The following PFKM variants were observed in gnomAD, a reference collection of about 807,000 sequenced individuals.
The protein encoded by PFKM is ATP-dependent 6-phosphofructokinase, muscle type.
PFKM carries 58 observed loss-of-function variants against 95.5 expected under a neutral mutation model. The ratio of observed to expected loss-of-function variants is 0.61; its 90% confidence interval spans 0.49 to 0.76. PFKM has a LOEUF of 0.76. Among genes scored for constraint, PFKM ranks in the 30% least tolerant of loss-of-function variants. The probability of loss-of-function intolerance (pLI) is 0.00; values close to 1 mark genes in which losing one functional copy is unlikely to be tolerated. For missense variants in PFKM, 678 were observed against 1,005.4 expected, an observed-to-expected ratio of 0.67 and a Z score of 4.40; for synonymous variants, 336 against 357.2, an observed-to-expected ratio of 0.94 and a Z score of 0.67.
At chr12:48,130,048 A>T (rs983571107) in intron 2 of PFKM, among the ~76,000 whole-genome samples, 2 of 152,192 alleles carry the variant, frequency 1.3e-5, no homozygotes, top group Admixed American at 6.5e-5. Context: ...CACAATACAC[A>T]TTCAAGAAAA....
intron 2 of PFKM, among the ~76,000 whole-genome samples, chr12:48,123,347 CCCTTT>C (rs1948484241): frequency 6.6e-6 from 1 of 152,082 alleles, no homozygotes; most frequent in Non-Finnish European, 1.5e-5. Context: ...TCCTCCTCTT[CCCTTT>C]CATCACCCCT....
upstream of PFKM, among the ~76,000 whole-genome samples, chr12:48,118,742 G>A (rs1023325589): frequency 6.6e-6 from 1 of 152,010 alleles, no homozygotes; most frequent in Admixed American, 6.5e-5. Context: ...TCACAGACAC[G>A]CCCTTCCCTC....
chr12:48,106,132 C>T (rs1484124352), exon 1 of PFKM: 2 of 702,384 alleles, frequency 2.8e-6, no homozygotes, highest in Admixed American at 4.0e-5. Context: ...CCGGAAGAGT[C>T]GCTAGGTGGC....
intron 7 of PFKM, among the ~76,000 whole-genome samples, 170 bp downstream of exon 7, chr12:48,134,446 T>C (rs1460266293): frequency 6.6e-6 from 1 of 152,212 alleles, no homozygotes; most frequent in African/African-American, 2.4e-5. Context: ...TCCCCACACA[T>C]GCATGTGTGT....
intron 1 of PFKM, chr12:48,106,365 G>T: frequency 2.1e-6 from 1 of 478,110 alleles, no homozygotes; most frequent in Non-Finnish European, 3.7e-6. Flanking sequence ...TCCCTTACCC[G>T]CCGCCTTCTG....
At chr12:48,122,885 G>C in intron 2 of PFKM, 26 bp downstream of exon 2, 3 of 1,607,160 alleles carry the variant, frequency 1.9e-6, no homozygotes, top group Non-Finnish European at 2.6e-6. Context: ...CAAAAAACAT[G>C]GCTGGTGGGA....
intron 3 of PFKM, among the ~76,000 whole-genome samples, chr12:48,108,551 A>C (rs1334527779): frequency 1.3e-5 from 2 of 152,224 alleles, no homozygotes; most frequent in Non-Finnish European, 2.9e-5. Context: ...ATATATAAAT[A>C]TGTGAAACTT....
intron 1 of PFKM, chr12:48,106,179 A>G (rs1428978378): frequency 2.3e-5 from 16 of 697,912 alleles, no homozygotes; most frequent in South Asian, 8.9e-5. Context: ...GTCAAAGAAC[A>G]GAGTTAAGGA....
At chr12:48,142,339 G>T in intron 17 of PFKM, 1 of 470,342 alleles carries the variant, frequency 2.1e-6, no homozygotes, top group Non-Finnish European at 3.9e-6. Flanking sequence ...TGGGTGTGGT[G>T]GTAGGCGCCT....
At chr12:48,108,313 G>A in intron 3 of PFKM, 1 of 859,758 alleles carries the variant, frequency 1.2e-6, no homozygotes, top group Non-Finnish European at 1.7e-6. Flanking sequence ...GACCCAAGGG[G>A]GAAAGTCTGT....
rs1404730324 is a variant in PFKM at position 48,141,782 on chromosome 12, A to C, written c.1455A>C (p.Ile485=). 1.2e-6 allele frequency: 2 copies of C among 1,613,658 alleles called. No individual in the cohort carries two copies. The highest frequency in any genetic ancestry group is 4.5e-5 in the East Asian group (2 of 44,888). ...GCTTTGAACAGATCAGTGCCAATAT[A>C]ACTAAGTTTAACATTCAGGGCCTTG... ...KKSFEQISAN[I]TKFNIQGLVI... is the part of the protein sequence containing the mutation. The change falls in exon 16 of 23, where the codon ATA becomes ATC. Residue 485 remains isoleucine, a synonymous_variant. Coordinates refer to ENST00000359794, the MANE Select transcript of PFKM (RefSeq NM_000289.6).
intron 1 of PFKM, chr12:48,106,594 A>G (rs1376045682): frequency 5.9e-6 from 1 of 170,536 alleles, no homozygotes; most frequent in Non-Finnish European, 1.3e-5. Flanking sequence ...AGAGAAGTGA[A>G]GTGATTTCCC....
At chr12:48,136,652 C>G (rs1950111946) in intron 10 of PFKM, among the ~76,000 whole-genome samples, 1 of 142,688 alleles carries the variant, frequency 7.0e-6, no homozygotes, top group East Asian at 2.0e-4. Flanking sequence ...TATGAACCAC[C>G]TGTTTTGTTT....
chr12:48,141,746 A>G lies in PFKM; in HGVS notation c.1419A>G (p.Leu473=). 6.2e-7 allele frequency: 1 copy of G among 1,609,876 alleles called. No homozygotes were observed. Among genetic ancestry groups the G allele is most frequent in the Non-Finnish European group, 8.5e-7 (1 of 1,176,240 alleles). ...GGSKLGTKRT[L]PKKSFEQISA... ...GCCATCACTGATCAACTAGGACTCT[A>G]CCCAAGAAGAGCTTTGAACAGATCA... The change falls in exon 16 of 23, where the codon CTA becomes CTG. Residue 473 remains leucine (L), a synonymous_variant. Coordinates refer to ENST00000359794, the MANE Select transcript of PFKM (RefSeq NM_000289.6).
intron 19 of PFKM, 36 bp from the exon 20 acceptor site, chr12:48,144,010 C>T (rs1950805681): frequency 1.4e-6 from 2 of 1,452,580 alleles, no homozygotes; most frequent in Non-Finnish European, 9.7e-7. Flanking sequence ...GGGAAGCCAA[C>T]CACAGAGTCA....
upstream of PFKM, chr12:48,118,678 T>G (rs1198771161): frequency 2.8e-6 from 2 of 710,880 alleles, no homozygotes; most frequent in Non-Finnish European, 5.0e-6. Context: ...TATGTTTGCT[T>G]CACTGCCAGA....
At chr12:48,143,850 A>C in intron 19 of PFKM, 36 bp downstream of exon 19, 1 of 1,522,334 alleles carries the variant, frequency 6.6e-7, no homozygotes, top group Non-Finnish European at 9.1e-7. Context: ...AATGAAGAAG[A>C]AAAATAAGCT....
intron 13 of PFKM, 135 bp from the exon 14 acceptor site, chr12:48,140,587 G>A: frequency 2.3e-6 from 2 of 881,414 alleles, no homozygotes; most frequent in East Asian, 2.4e-5. Context: ...AGAGGGGTGT[G>A]TGTTGTGTTG....
chr12:48,139,575 A>G (rs190436908), intron 12 of PFKM: 9 of 618,028 alleles, frequency 1.5e-5, no homozygotes, highest in Admixed American at 1.3e-4. Flanking sequence ...TGTTATTTCT[A>G]TATGTGAGCC....
Sources: gnomAD v4.1 joint callset for allele counts (sites outside exome capture counted in the v4.1 genomes callset) on GRCh38, gnomAD v4.1.1 for gene constraint, MANE v1.5 for transcripts, NCBI Gene and HGNC (gene_info 2026-07-23, HGNC 2026-07-21) for gene names.